The following KCNB2 variants were observed in gnomAD, a reference collection of about 807,000 sequenced individuals.
KCNB2 encodes delayed rectifier potassium channel protein.
A neutral mutation model predicts 61.5 loss-of-function variants in KCNB2; 15 were observed. The ratio of observed to expected loss-of-function variants is 0.24; its 90% CI spans 0.16 to 0.38. The LOEUF is 0.38. Among genes scored for constraint, KCNB2 ranks in the 10% least tolerant of loss-of-function variants. The probability of loss-of-function intolerance (pLI) is 1.00; values close to 1 mark genes in which losing one functional copy is unlikely to be tolerated. For missense variants in KCNB2, 828 were observed against 1,125.2 expected, an observed-to-expected ratio of 0.74 and a Z score of 3.78; for synonymous variants, 457 against 446.0, an observed-to-expected ratio of 1.02 and a Z score of -0.31.
chr8:72,580,340 C>T (rs1460799072), intron 2 of KCNB2, among the ~76,000 whole-genome samples: 2 of 152,296 alleles, frequency 1.3e-5, no homozygotes, highest in East Asian at 1.9e-4. Flanking sequence ...AAATGTGTGT[C>T]GAGTGCCCCA....
chr8:72,739,194 C>A (rs1327146944), intron 2 of KCNB2, among the ~76,000 whole-genome samples: 1 of 151,706 alleles, frequency 6.6e-6, no homozygotes, highest in Non-Finnish European at 1.5e-5. Flanking sequence ...AATATTTCAA[C>A]CCTCTGGAAG....
chr8:72,926,879 T>G (rs1326455850), intron 2 of KCNB2, among the ~76,000 whole-genome samples: 1 of 152,204 alleles, frequency 6.6e-6, no homozygotes, highest in Non-Finnish European at 1.5e-5. Flanking sequence ...TCCTATGCAT[T>G]ACAGTCAGTA....
Position 72,936,873 on chromosome 8 carries a change from G to A in KCNB2, c.1518G>A (p.Lys506=). ...CTCTGTCGGAAACAAGCTCCAACAA[G>A]TCTTTCGAGAATAAGTACCAGGAGG... ...RKALSETSSN[K]SFENKYQEVS... is the part of the protein sequence containing the mutation. Residue 506 remains lysine, a synonymous_variant, in exon 3 of 3, where the codon AAG becomes AAA. Transcript: ENST00000523207. This position sits in a 1 kb window ranked among gnomAD's most constrained non-coding sequence, Gnocchi z 5.6. The A allele has an allele frequency of 6.2e-7, 1 of 1,614,092 alleles. No individual in the cohort carries two copies. Among genetic ancestry groups the A allele is most frequent in the Non-Finnish European group, 8.5e-7 (1 of 1,180,020 alleles).
chr8:72,602,375 C>T (rs778338591), intron 2 of KCNB2, among the ~76,000 whole-genome samples: 1 of 152,084 alleles, frequency 6.6e-6, no homozygotes, highest in Non-Finnish European at 1.5e-5. Flanking sequence ...GCTACTGAAT[C>T]ATTGCTAGAA....
At chr8:72,796,169 C>T (rs574570135) in intron 2 of KCNB2, among the ~76,000 whole-genome samples, 1 of 152,276 alleles carries the variant, frequency 6.6e-6, no homozygotes, top group South Asian at 2.1e-4. Context: ...GAAATATTTA[C>T]TGAAGGAAAT....
At chr8:72,724,925 T>C (rs970388270) in intron 2 of KCNB2, among the ~76,000 whole-genome samples, 5 of 152,130 alleles carry the variant, frequency 3.3e-5, no homozygotes, top group Non-Finnish European at 7.4e-5. Flanking sequence ...AGAGAAATGG[T>C]TTAGTTTTGA....
chr8:72,688,287 C>A (rs1806886726), intron 2 of KCNB2, among the ~76,000 whole-genome samples: 2 of 152,140 alleles, frequency 1.3e-5, no homozygotes, highest in Admixed American at 1.3e-4. Context: ...GAACTGATTT[C>A]TTATTGTTCT....
chr8:72,639,396 G>T (rs1806017244), intron 2 of KCNB2, among the ~76,000 whole-genome samples: 1 of 152,154 alleles, frequency 6.6e-6, no homozygotes, highest in Admixed American at 6.6e-5. Context: ...CAGCTCTCAT[G>T]AAGTCATTTA....
intron 2 of KCNB2, among the ~76,000 whole-genome samples, chr8:72,704,422 AG>A (rs1433723808): frequency 1.3e-5 from 2 of 152,256 alleles, no homozygotes; most frequent in Admixed American, 1.3e-4. Flanking sequence ...AAATTTTGCC[AG>A]GGGTCTTCCA....
At chr8:72,852,740 G>C (rs1397551294) in intron 2 of KCNB2, among the ~76,000 whole-genome samples, 1 of 43,838 alleles carries the variant, frequency 2.3e-5, no homozygotes, top group East Asian at 2.5e-4. Context: ...CAGTGAGCAA[G>C]TACTGAAAAG....
chr8:72,670,335 G>A (rs1352724914), intron 2 of KCNB2, among the ~76,000 whole-genome samples: 1 of 152,128 alleles, frequency 6.6e-6, no homozygotes, highest in African/African-American at 2.4e-5. Flanking sequence ...GCTAGAACCT[G>A]GACTTGGAAT....
intron 2 of KCNB2, among the ~76,000 whole-genome samples, chr8:72,924,240 C>T (rs142179674): frequency 6.6e-6 from 1 of 152,148 alleles, no homozygotes; most frequent in Non-Finnish European, 1.5e-5. Context: ...TAGCTAATTA[C>T]ACCCACCCAT....
At chr8:72,808,545 G>A (rs1326907227) in intron 2 of KCNB2, among the ~76,000 whole-genome samples, 1 of 152,180 alleles carries the variant, frequency 6.6e-6, no homozygotes, top group African/African-American at 2.4e-5. Context: ...AACCTTAAGT[G>A]TGATCTAGAA....
rs777737064 is a variant in KCNB2 at position 72,937,188 on chromosome 8, C to G, written c.1833C>G (p.Thr611=). Residue 611 remains threonine (T), a synonymous_variant, in exon 3 of 3, where the codon ACC becomes ACG. Transcript: ENST00000523207. ...TCGACAGCTTCACCAGCTGTGCCAC[C>G]GACTTCACAGAGACAGAGAGATCGC... ...SSIDSFTSCA[T]DFTETERSPL... is the part of the protein sequence containing the mutation. 2.2e-5 allele frequency: 36 copies of G among 1,613,990 alleles called. No homozygotes were observed. Among genetic ancestry groups the G allele is most frequent in the Non-Finnish European group, 2.7e-5 (32 of 1,180,024 alleles).
At chr8:72,831,803 A>T (rs1259454168) in intron 2 of KCNB2, among the ~76,000 whole-genome samples, 1 of 152,238 alleles carries the variant, frequency 6.6e-6, no homozygotes, top group African/African-American at 2.4e-5. Context: ...AAAAGATGCA[A>T]GGAATTAGAC....
intron 2 of KCNB2, among the ~76,000 whole-genome samples, chr8:72,617,159 C>T (rs1460526996): frequency 2.0e-5 from 3 of 152,174 alleles, no homozygotes; most frequent in African/African-American, 7.2e-5. Context: ...TCTCTTTCCT[C>T]CACTTTTCTT....
At chr8:72,930,734 T>C (rs201339690) in intron 2 of KCNB2, among the ~76,000 whole-genome samples, 1 of 152,182 alleles carries the variant, frequency 6.6e-6, no homozygotes. Flanking sequence ...AAATTTTCTC[T>C]CATTCTGTAG....
At chr8:72,783,971 A>C (rs574981906) in intron 2 of KCNB2, among the ~76,000 whole-genome samples, 1 of 152,258 alleles carries the variant, frequency 6.6e-6, no homozygotes, top group African/African-American at 2.4e-5. Flanking sequence ...CTTGCCATTT[A>C]GGATATCCAA....
chr8:72,559,270 G>A lies in KCNB2; in HGVS notation c.-93-8372G>A, dbSNP rs761564522. Among the ~76,000 whole-genome samples, 81 of 151,830 alleles carry A rather than the reference G, an allele frequency of 5.3e-4. 1 individual carries two copies. Among genetic ancestry groups the A allele is most frequent in the Admixed American group, 2.8e-3 (42 of 15,236 alleles). ...AGTGATTCTCCTGCCTCAGCCTCCTGAGTAGCTGGGATTACAGGTGCGCGC... is the reference window on the plus strand; with the variant it reads ...AGTGATTCTCCTGCCTCAGCCTCCTAAGTAGCTGGGATTACAGGTGCGCGC... On this transcript the variant is annotated intron_variant, in intron 1 of 2. Transcript: ENST00000523207.
Sources: allele counts gnomAD v4.1 joint callset (sites outside exome capture counted in the v4.1 genomes callset), GRCh38; gene constraint gnomAD v4.1.1; non-coding constraint Gnocchi (gnomAD v3.1); transcripts MANE v1.5; gene names NCBI Gene and HGNC (gene_info 2026-07-23, HGNC 2026-07-21).